GPHN: variants seen among roughly 807,000 people sequenced by gnomAD.
GPHN encodes the protein gephyrin.
A neutral mutation model predicts 95.5 loss-of-function variants in GPHN; 17 were observed. The observed-to-expected ratio is 0.18, with a 90% CI of 0.12 to 0.27. The LOEUF (loss-of-function observed/expected upper bound fraction) is 0.27. Ranked by LOEUF, GPHN falls within the 10% of genes least tolerant of loss-of-function variation. The pLI is 1.00. For synonymous variants in GPHN, 320 were observed against 322.5 expected, an observed-to-expected ratio of 0.99 and a Z score of 0.08; for missense variants, 660 against 978.1, an observed-to-expected ratio of 0.67 and a Z score of 4.34.
chr14:67,705,390 T>C, the GPHN span, among the ~76,000 whole-genome samples: 214 of 152,350 alleles, frequency 1.4e-3, 4 homozygotes, highest in East Asian at 0.038. Flanking sequence ...CGTCAACAGT[T>C]TGAGAAATTT....
chr14:67,514,155 T>G, the GPHN span, among the ~76,000 whole-genome samples: 2 of 152,134 alleles, frequency 1.3e-5, no homozygotes, highest in African/African-American at 4.8e-5. Context: ...GCTCTTTCCC[T>G]CCAGGGAGAG....
At chr14:66,686,022 G>T (rs1595546479) in intron 2 of GPHN, among the ~76,000 whole-genome samples, 2 of 152,128 alleles carry the variant, frequency 1.3e-5, no homozygotes, top group African/African-American at 4.8e-5. Flanking sequence ...CCCATTGCTT[G>T]TTTTTGTCAG....
chr14:67,352,958 G>A, the GPHN span: 4 of 1,613,272 alleles, frequency 2.5e-6, no homozygotes, highest in East Asian at 8.9e-5. Flanking sequence ...CGAAATCGAA[G>A]AGTTAAGGCA....
At chr14:66,829,430 T>C (rs2061501619) in intron 4 of GPHN, among the ~76,000 whole-genome samples, 1 of 152,110 alleles carries the variant, frequency 6.6e-6, no homozygotes, top group Non-Finnish European at 1.5e-5. Flanking sequence ...GGATAATTCA[T>C]TGGCACTAGT....
At chr14:67,168,769 G>T (rs188880571) in intron 20 of GPHN, among the ~76,000 whole-genome samples, 164 bp from the exon 21 acceptor site, 32 of 152,262 alleles carry the variant, frequency 2.1e-4, no homozygotes, top group African/African-American at 6.7e-4. Flanking sequence ...GTGGCATTTA[G>T]TTGACTATAC....
chr14:66,872,312 T>C (rs763410975), intron 4 of GPHN, among the ~76,000 whole-genome samples: 3 of 152,214 alleles, frequency 2.0e-5, no homozygotes, highest in Non-Finnish European at 4.4e-5. Flanking sequence ...GCCTTTCTAC[T>C]TATTTACTGT....
chr14:66,775,843 A>G (rs1417241207), intron 2 of GPHN, among the ~76,000 whole-genome samples: 1 of 152,194 alleles, frequency 6.6e-6, no homozygotes, highest in African/African-American at 2.4e-5. Context: ...TTAAGGATTA[A>G]ATTATCTGTA....
At chr14:67,297,908 C>G in the GPHN span, among the ~76,000 whole-genome samples, 1 of 152,106 alleles carries the variant, frequency 6.6e-6, no homozygotes, top group Non-Finnish European at 1.5e-5. Flanking sequence ...AATTTTAGAT[C>G]AAATGTTCAG....
chr14:67,133,217 T>A (rs1567381049), intron 17 of GPHN, among the ~76,000 whole-genome samples: 1 of 152,172 alleles, frequency 6.6e-6, no homozygotes, highest in Non-Finnish European at 1.5e-5. Context: ...TTTTGTTACC[T>A]TGGTATGATT....
chr14:67,285,511 T>C, the GPHN span, among the ~76,000 whole-genome samples: 1 of 151,820 alleles, frequency 6.6e-6, no homozygotes, highest in Non-Finnish European at 1.5e-5. Context: ...AGACTACAGG[T>C]GCCCACCACC....
At chr14:66,618,700 A>T (rs548886310) in intron 1 of GPHN, among the ~76,000 whole-genome samples, 67 of 152,332 alleles carry the variant, frequency 4.4e-4, no homozygotes, top group Non-Finnish European at 7.6e-4. Flanking sequence ...TTTACCAGTC[A>T]TATTATCTGT....
the GPHN span, chr14:67,600,132 C>T: frequency 7.2e-3 from 11,416 of 1,595,604 alleles, 399 homozygotes; most frequent in African/African-American, 0.099. Context: ...CCCGGCAGGA[C>T]GGGGAGTAGT....
intron 3 of GPHN, among the ~76,000 whole-genome samples, chr14:66,821,645 A>G (rs1237599367): frequency 6.6e-6 from 1 of 152,218 alleles, no homozygotes; most frequent in African/African-American, 2.4e-5. Flanking sequence ...GAGAACTGGT[A>G]TTCTATACTG....
At chr14:66,760,533 T>C in intron 2 of GPHN, 1 of 272,658 alleles carries the variant, frequency 3.7e-6, no homozygotes, top group South Asian at 4.8e-5. Context: ...GGGTTCAACA[T>C]GCATATCGAG....
chr14:67,083,117 A>T (rs926223804), intron 11 of GPHN, among the ~76,000 whole-genome samples: 2 of 152,234 alleles, frequency 1.3e-5, no homozygotes, highest in African/African-American at 4.8e-5. Flanking sequence ...CACAAAGGAA[A>T]TAAAAATTGC....
intron 2 of GPHN, among the ~76,000 whole-genome samples, chr14:66,739,699 A>C (rs984338858): frequency 6.6e-6 from 1 of 152,140 alleles, no homozygotes; most frequent in Admixed American, 6.5e-5. Context: ...TACATTATTT[A>C]CCACTGAACA....
intron 1 of GPHN, among the ~76,000 whole-genome samples, chr14:66,551,854 C>T (rs2059823837): frequency 6.6e-6 from 1 of 152,106 alleles, no homozygotes; most frequent in Non-Finnish European, 1.5e-5. Flanking sequence ...ACTAGAACAG[C>T]AAGGGGGAAT....
chr14:66,711,666 A>G (rs2069643901), intron 2 of GPHN, among the ~76,000 whole-genome samples: 1 of 150,496 alleles, frequency 6.6e-6, no homozygotes, highest in African/African-American at 2.4e-5. Context: ...ACATAGGTAT[A>G]CATGTGCCAT....
the GPHN span, chr14:67,365,097 TAAAA>T: frequency 1.6e-6 from 2 of 1,227,228 alleles, no homozygotes; most frequent in Non-Finnish European, 1.1e-6. Flanking sequence ...AGCTGCAGCT[TAAAA>T]AAAAAAGCTC....
Sources: gnomAD v4.1 joint callset for allele counts (sites outside exome capture counted in the v4.1 genomes callset) on GRCh38, gnomAD v4.1.1 for gene constraint, MANE v1.5 for transcripts, NCBI Gene and HGNC (gene_info 2026-07-23, HGNC 2026-07-21) for gene names.